LRRC4C: variants seen among roughly 807,000 people sequenced by gnomAD.
LRRC4C encodes leucine-rich repeat-containing protein 4C.
A neutral mutation model predicts 33.6 loss-of-function variants in LRRC4C; 5 were observed. The ratio of observed to expected loss-of-function variants is 0.15; its 90% CI spans 0.08 to 0.31. The LOEUF (loss-of-function observed/expected upper bound fraction) is 0.31, where lower values mean the gene tolerates loss of function less well. LRRC4C is among the 10% of genes least tolerant of loss of function. LRRC4C has a pLI of 1.00. For synonymous variants in LRRC4C, 329 were observed against 302.0 expected (o/e 1.09, Z -0.93); for missense variants, 560 against 796.7 (o/e 0.70, Z 3.58).
At chr11:40,868,680 G>A (rs560139056) in intron 2 of LRRC4C, among the ~76,000 whole-genome samples, 2 of 152,190 alleles carry the variant, frequency 1.3e-5, no homozygotes, top group South Asian at 2.1e-4. Context: ...AATATTTAGT[G>A]TTTGATCATC....
At chr11:41,404,550 ACACACACACACACC>A (rs1954155240) in intron 1 of LRRC4C, among the ~76,000 whole-genome samples, 2 of 111,908 alleles carry the variant, frequency 1.8e-5, no homozygotes, top group Non-Finnish European at 3.7e-5. Flanking sequence ...ACACACACAC[ACACACACACACACC>A]CCCCGAGGTT....
chr11:41,158,508 A>G (rs1410906520), intron 1 of LRRC4C, among the ~76,000 whole-genome samples: 1 of 152,140 alleles, frequency 6.6e-6, no homozygotes, highest in Admixed American at 6.6e-5. Context: ...GGCAAGTGCT[A>G]TTAACTCAGC....
chr11:40,317,439 G>A (rs1590295519), intron 4 of LRRC4C, among the ~76,000 whole-genome samples: 1 of 152,008 alleles, frequency 6.6e-6, no homozygotes, highest in South Asian at 2.1e-4. Context: ...TTAGCAGAAG[G>A]ATGCTCTAGC....
chr11:40,899,965 C>A (rs746567155), intron 2 of LRRC4C, among the ~76,000 whole-genome samples: 1 of 152,066 alleles, frequency 6.6e-6, no homozygotes, highest in African/African-American at 2.4e-5. Context: ...TGTAAATATC[C>A]TGTACCCCAA....
intron 3 of LRRC4C, among the ~76,000 whole-genome samples, chr11:40,476,948 A>G (rs1453716152): frequency 6.6e-6 from 1 of 152,194 alleles, no homozygotes; most frequent in African/African-American, 2.4e-5. Context: ...AGAGAAGTTT[A>G]GTCATCTTTG....
At chr11:40,254,101 C>G (rs910456336) in intron 4 of LRRC4C, among the ~76,000 whole-genome samples, 1 of 152,164 alleles carries the variant, frequency 6.6e-6, no homozygotes, top group Non-Finnish European at 1.5e-5. Context: ...TGACCTTTCC[C>G]GTATCCTTGC....
At chr11:41,089,796 C>T (rs1029780424) in intron 1 of LRRC4C, among the ~76,000 whole-genome samples, 6 of 151,588 alleles carry the variant, frequency 4.0e-5, no homozygotes, top group East Asian at 1.9e-4. Context: ...TAAATTATGT[C>T]GAAACGATAA....
intron 2 of LRRC4C, among the ~76,000 whole-genome samples, chr11:40,919,248 G>A (rs1957079868): frequency 6.6e-6 from 1 of 152,114 alleles, no homozygotes; most frequent in African/African-American, 2.4e-5. Flanking sequence ...CTGTATCACA[G>A]TGTAGGGTCT....
intron 3 of LRRC4C, among the ~76,000 whole-genome samples, chr11:40,571,662 A>G (rs1025714216): frequency 2.0e-5 from 3 of 152,154 alleles, no homozygotes; most frequent in East Asian, 3.9e-4. Context: ...CTCTAAAACA[A>G]TATCTGATCC....
intron 1 of LRRC4C, among the ~76,000 whole-genome samples, chr11:41,344,710 G>C (rs1011301825): frequency 8.5e-5 from 13 of 152,202 alleles, no homozygotes; most frequent in Non-Finnish European, 1.8e-4. Context: ...TAGATTGAAT[G>C]CTCCTGAGAA....
chr11:40,511,730 A>G (rs1955326243), intron 3 of LRRC4C, among the ~76,000 whole-genome samples: 1 of 152,196 alleles, frequency 6.6e-6, no homozygotes, highest in Non-Finnish European at 1.5e-5. Context: ...GCAAGATTGG[A>G]GAAGAGTAAT....
intron 1 of LRRC4C, among the ~76,000 whole-genome samples, chr11:41,124,540 T>C (rs923026851): frequency 6.6e-6 from 1 of 152,184 alleles, no homozygotes; most frequent in Non-Finnish European, 1.5e-5. Context: ...AATTCCTATA[T>C]AACAAACTCT....
At chr11:40,437,770 C>T (rs1213763267) in intron 3 of LRRC4C, among the ~76,000 whole-genome samples, 10 of 152,140 alleles carry the variant, frequency 6.6e-5, no homozygotes, top group East Asian at 1.9e-4. Context: ...TGCAGTGGCA[C>T]GATCTCGGCT....
chr11:40,230,293 C>T (rs752156930), intron 5 of LRRC4C, among the ~76,000 whole-genome samples: 1 of 152,180 alleles, frequency 6.6e-6, no homozygotes, highest in Non-Finnish European at 1.5e-5. Flanking sequence ...TTTTGATATC[C>T]AAGTCACTGA....
intron 1 of LRRC4C, among the ~76,000 whole-genome samples, chr11:41,265,176 A>G (rs560137426): frequency 6.6e-6 from 1 of 152,310 alleles, no homozygotes; most frequent in East Asian, 1.9e-4. Context: ...AATGGCTAGC[A>G]TGTTATAACT....
intron 1 of LRRC4C, among the ~76,000 whole-genome samples, chr11:41,283,523 A>G (rs1949732760): frequency 6.6e-6 from 1 of 152,222 alleles, no homozygotes; most frequent in Non-Finnish European, 1.5e-5. Context: ...AATTAAAAAT[A>G]CTATTCTATT....
chr11:40,294,971 G>C lies in LRRC4C; in HGVS notation c.-176+24657C>G, dbSNP rs552015475. The stretch of plus-strand genomic sequence containing the variant: ...AGGAAGCAACTGTAAAGGCGAGATA[G>C]TAGCCTTCAGCCTATGCAGTGTTGC... On this transcript the variant is annotated intron_variant, in intron 4 of 6. Transcript: ENST00000528697. Among the ~76,000 whole-genome samples, 3 of 152,334 alleles carry C rather than the reference G, an allele frequency of 2.0e-5. No individual in the cohort carries two copies. In the South Asian group the frequency reaches 6.2e-4, roughly 32 times the overall value.
chr11:40,159,691 ATAC>A (rs756176605), intron 5 of LRRC4C, among the ~76,000 whole-genome samples: 3 of 152,222 alleles, frequency 2.0e-5, no homozygotes, highest in African/African-American at 4.8e-5. Flanking sequence ...TTCCGTACAA[ATAC>A]TACTTTCTCA....
chr11:41,124,781 C>T (rs984611864), intron 1 of LRRC4C, among the ~76,000 whole-genome samples: 2 of 152,170 alleles, frequency 1.3e-5, no homozygotes, highest in African/African-American at 4.8e-5. Context: ...TGGAAGACAT[C>T]TATACATTTG....
Sources: gnomAD v4.1 joint callset for allele counts (sites outside exome capture counted in the v4.1 genomes callset) on GRCh38, gnomAD v4.1.1 for gene constraint, MANE v1.5 for transcripts, NCBI Gene and HGNC (gene_info 2026-07-23, HGNC 2026-07-21) for gene names.